BICD2: variants seen among roughly 807,000 people sequenced by gnomAD.
BICD2 encodes BICD cargo adaptor 2, also known as protein bicaudal D homolog 2.
BICD2 carries 25 observed loss-of-function variants against 72.9 expected under a neutral mutation model. The observed-to-expected ratio is 0.34, with a 90% CI of 0.25 to 0.48. The LOEUF is 0.48. Among genes scored for constraint, BICD2 ranks in the 20% least tolerant of loss-of-function variants. The pLI is 0.99. For synonymous variants in BICD2, 501 were observed against 516.1 expected, an observed-to-expected ratio of 0.97 and a Z score of 0.40; for missense variants, 894 against 1,175.2, an observed-to-expected ratio of 0.76 and a Z score of 3.50.
At chr9:92,728,417 A>G (rs1034339804) in intron 2 of BICD2, among the ~76,000 whole-genome samples, 8 of 152,180 alleles carry the variant, frequency 5.3e-5, no homozygotes, top group Non-Finnish European at 1.0e-4. Context: ...ATGGCTGTCC[A>G]TGGGTACCCA....
intron 1 of BICD2, among the ~76,000 whole-genome samples, chr9:92,739,795 G>T (rs1042870355): frequency 3.9e-5 from 6 of 152,200 alleles, no homozygotes; most frequent in Non-Finnish European, 7.3e-5. Context: ...TGTTTCCGAG[G>T]CCTTAAAAGG....
At chr9:92,730,477 A>C (rs896305825) in intron 1 of BICD2, among the ~76,000 whole-genome samples, 8 of 152,252 alleles carry the variant, frequency 5.3e-5, no homozygotes, top group African/African-American at 1.7e-4. Flanking sequence ...TTTCGTCCCA[A>C]CAGGAGACTG....
chr9:92,720,366 G>C lies in BICD2; in HGVS notation c.996C>G (p.Leu332=), dbSNP rs1375401329. 1 of 1,614,054 alleles carries C rather than the reference G, an allele frequency of 6.2e-7. No homozygotes were observed. Among genetic ancestry groups the C allele is most frequent in the Admixed American group, 1.7e-5 (1 of 60,018 alleles). The change falls in exon 4 of 7, where the codon CTC becomes CTG. Residue 332 remains leucine, a synonymous_variant. Coordinates refer to ENST00000356884, the MANE Select transcript of BICD2 (RefSeq NM_001003800.2). This position sits in a 1 kb window ranked among gnomAD's most constrained non-coding sequence, Gnocchi z 5.4. ...KEGLAPPSPS[L]VSDLLSELNI... ...TGAGCTCACTGAGTAGGTCGGAGAC[G>C]AGGCTGGGGGAGGGCGGTGCGAGGC...
intron 1 of BICD2, among the ~76,000 whole-genome samples, chr9:92,749,529 A>G (rs1295311077): frequency 6.6e-6 from 1 of 152,234 alleles, no homozygotes; most frequent in African/African-American, 2.4e-5. Context: ...ATCAATCGGA[A>G]GCAGCCATCC....
intron 1 of BICD2, among the ~76,000 whole-genome samples, chr9:92,758,633 C>G (rs1240157403): frequency 6.6e-6 from 1 of 150,996 alleles, no homozygotes; most frequent in Non-Finnish European, 1.5e-5. Context: ...GGCGGATCAC[C>G]TGAGGTCAGG....
intron 1 of BICD2, among the ~76,000 whole-genome samples, chr9:92,745,693 C>T (rs907719388): frequency 1.3e-5 from 2 of 152,210 alleles, no homozygotes; most frequent in Admixed American, 6.5e-5. Flanking sequence ...CCAATGTAAG[C>T]TCATTAGCTT....
intron 1 of BICD2, among the ~76,000 whole-genome samples, chr9:92,761,099 C>T (rs1854361930): frequency 6.6e-6 from 1 of 152,128 alleles, no homozygotes; most frequent in South Asian, 2.1e-4. Flanking sequence ...ATTTTAGAGA[C>T]ACCCAAGCTT....
Position 92,714,499 on chromosome 9 carries a change from G to A in BICD2, c.*655C>T. The A allele has an allele frequency of 1.0e-6, 1 of 985,504 alleles. No individual in the cohort carries two copies. Among genetic ancestry groups the A allele is most frequent in the Non-Finnish European group, 1.2e-6 (1 of 829,948 alleles). The allele number at this position is 985,504 out of a possible 1,614,324, so 61.0% of individuals were successfully genotyped here. A position where few individuals can be genotyped will look rare whatever the true frequency, so the allele number is the denominator to read the frequency against. On this transcript the variant is annotated 3_prime_UTR_variant, in exon 7 of 7. Transcript: ENST00000356884. ...ATGAGAAACCGAGCTCTGGATTCCT[G>A]GGTTATGGTCAGCTGTGTCTGTGCC...
At chr9:92,742,073 G>A (rs900430627) in intron 1 of BICD2, among the ~76,000 whole-genome samples, 2 of 152,138 alleles carry the variant, frequency 1.3e-5, no homozygotes, top group Admixed American at 1.3e-4. Flanking sequence ...AAATACTAAT[G>A]AGAAAGACAG....
At chr9:92,744,019 G>A (rs546539615) in intron 1 of BICD2, among the ~76,000 whole-genome samples, 2 of 152,262 alleles carry the variant, frequency 1.3e-5, no homozygotes, top group Non-Finnish European at 1.5e-5. Flanking sequence ...ACAGGAGCTC[G>A]CCACACACTG....
chr9:92,738,660 C>A (rs1387040973), intron 1 of BICD2, among the ~76,000 whole-genome samples: 1 of 152,220 alleles, frequency 6.6e-6, no homozygotes, highest in Non-Finnish European at 1.5e-5. Context: ...GAGAACCAAC[C>A]CCACTTGCCG....
At chr9:92,722,557 G>T in intron 3 of BICD2, 99 bp downstream of exon 3, 3 of 1,525,152 alleles carry the variant, frequency 2.0e-6, no homozygotes, top group East Asian at 2.3e-5. Flanking sequence ...TGTGGAATAA[G>T]ACAGGAACCC....
chr9:92,719,479 C>A lies in BICD2; in HGVS notation c.1166G>T (p.Arg389Leu), dbSNP rs762910297. 1 of 1,614,044 alleles carries A rather than the reference C, an allele frequency of 6.2e-7. No individual in the cohort carries two copies. Among genetic ancestry groups the A allele is most frequent in the Admixed American group, 1.7e-5 (1 of 60,026 alleles). The change falls in exon 5 of 7, where the codon CGC (arginine) becomes CTC (leucine). Residue 389 changes from arginine to leucine, a missense_variant. This residue lies in a region of BICD2 where 371 missense variants were observed against 439.1 expected (regional missense o/e 0.84). Coordinates refer to ENST00000356884, the MANE Select transcript of BICD2 (RefSeq NM_001003800.2). Reference sequence around the variant, plus strand: ...CAGGGCACTCAGATTCTCTGTGAGGCGGGTCACCTTCTCCTGCTGTTCTGA... The same window carrying A: ...CAGGGCACTCAGATTCTCTGTGAGGAGGGTCACCTTCTCCTGCTGTTCTGA... ...SLSEQQEKVTRLTENLSALRR... is the reference protein window; with the variant it reads ...SLSEQQEKVTLLTENLSALRR...
chr9:92,753,530 A>G (rs1854191824), intron 1 of BICD2, among the ~76,000 whole-genome samples: 1 of 152,116 alleles, frequency 6.6e-6, no homozygotes, highest in Non-Finnish European at 1.5e-5. Flanking sequence ...AGGGCAGCAC[A>G]GTTTTTTATT....
intron 1 of BICD2, among the ~76,000 whole-genome samples, chr9:92,732,552 T>C (rs1241319189): frequency 6.6e-6 from 1 of 152,166 alleles, no homozygotes; most frequent in Admixed American, 6.5e-5. Flanking sequence ...ACCAATTATA[T>C]AATAAAAATA....
intron 1 of BICD2, among the ~76,000 whole-genome samples, chr9:92,747,070 G>T (rs1354902695): frequency 6.6e-6 from 1 of 152,174 alleles, no homozygotes; most frequent in Non-Finnish European, 1.5e-5. Context: ...ATGGAAGGTG[G>T]GTGGCAGAGG....
chr9:92,731,891 G>A (rs564214207), intron 1 of BICD2, among the ~76,000 whole-genome samples: 1 of 152,348 alleles, frequency 6.6e-6, no homozygotes, highest in East Asian at 1.9e-4. Context: ...CAGGCAGCTG[G>A]GGAGCACTCC....
In BICD2 at chr9:92,721,597, G is replaced by A. The variant is rs78022769; in HGVS notation, c.607-842C>T. Among the ~76,000 whole-genome samples the A allele has an allele frequency of 9.0e-3, 1,374 of 152,340 alleles. 23 individuals are homozygous for A. The highest frequency in any genetic ancestry group is 0.032 in the African/African-American group (1,325 of 41,564). ...AGCACATCTCTGTGGGTCTTGGGTC[G>A]GAAGGGACACCCATTACCACATCCA... On this transcript the variant is annotated intron_variant, in intron 3 of 6. Transcript: ENST00000356884.
At chr9:92,730,499 C>T (rs530723867) in intron 1 of BICD2, among the ~76,000 whole-genome samples, 4 of 152,242 alleles carry the variant, frequency 2.6e-5, no homozygotes, top group African/African-American at 9.6e-5. Context: ...TAAAAGAAAC[C>T]AGGGTCTAGT....
Sources: allele counts gnomAD v4.1 joint callset (sites outside exome capture counted in the v4.1 genomes callset), GRCh38; gene constraint gnomAD v4.1.1; regional missense constraint gnomAD v4.1.1; non-coding constraint Gnocchi (gnomAD v3.1); transcripts MANE v1.5; gene names NCBI Gene and HGNC (gene_info 2026-07-23, HGNC 2026-07-21).